DCUN1D1: variants seen among roughly 807,000 people sequenced by gnomAD.
DCUN1D1 encodes DCN1-like protein 1.
A neutral mutation model predicts 39.0 loss-of-function variants in DCUN1D1; 3 were observed. That is an observed-to-expected ratio of 0.08 (90% CI 0.04 to 0.20). DCUN1D1 has a LOEUF of 0.20. Among genes scored for constraint, DCUN1D1 ranks in the 10% least tolerant of loss-of-function variants. The probability of loss-of-function intolerance (pLI) is 1.00; values close to 1 mark genes in which losing one functional copy is unlikely to be tolerated. For synonymous variants in DCUN1D1, 82 were observed against 96.3 expected (o/e 0.85, Z 0.87); for missense variants, 158 against 302.4 (o/e 0.52, Z 3.54).
intron 4 of DCUN1D1, chr3:182,955,349 T>G: frequency 1.8e-6 from 1 of 543,032 alleles, no homozygotes; most frequent in South Asian, 1.4e-5. Flanking sequence ...TTAGATTATT[T>G]TCAATATTCT....
In DCUN1D1 at chr3:182,943,114, G is replaced by GAAAAAAAAA. The variant is rs57297234; in HGVS notation, c.*1971_*1979dup. ...ACTTTTAAAGAAAACACTTTATATT[G>GAAAAAAAAA]AAAAAAAAAAAAAAAAAAAAAAGCT... On this transcript the variant is annotated 3_prime_UTR_variant, in exon 7 of 7. Coordinates refer to ENST00000292782, the MANE Select transcript of DCUN1D1 (RefSeq NM_020640.4). The GAAAAAAAAA allele has an allele frequency of 1.8e-5, 1 of 54,388 alleles. No individual in the cohort carries two copies. Among genetic ancestry groups the GAAAAAAAAA allele is most frequent in the African/African-American group, 6.8e-5 (1 of 14,688 alleles). 3.4% of individuals were successfully genotyped at this position (54,388 alleles called of 1,614,324 possible).
chr3:182,975,951 C>A (rs888752003), intron 1 of DCUN1D1, among the ~76,000 whole-genome samples: 2 of 150,976 alleles, frequency 1.3e-5, no homozygotes, highest in Non-Finnish European at 2.9e-5. Flanking sequence ...GTAGAGTGTA[C>A]CTTCTCGATA....
At chr3:182,952,815 A>G (rs1241003667) in intron 4 of DCUN1D1, among the ~76,000 whole-genome samples, 1 of 152,202 alleles carries the variant, frequency 6.6e-6, no homozygotes, top group Non-Finnish European at 1.5e-5. Context: ...CCCACTGGGA[A>G]GGCTTATGTT....
At position 182,938,668 on chromosome 3, in the gene DCUN1D1, A is replaced by T. The variant is rs1477726630; in HGVS notation, c.*6426T>A. ...GACATACGCCATTAATTTTTTAAAA[A>T]GCACTCACTCCGATGTCTCCTATGT... On this transcript the variant is annotated 3_prime_UTR_variant, in exon 7 of 7. Transcript: ENST00000292782. 6.6e-6 allele frequency: 1 copy of T among 152,196 alleles called. No homozygotes were observed. The highest frequency in any genetic ancestry group is 1.5e-5 in the Non-Finnish European group (1 of 68,032). 9.4% of individuals were successfully genotyped at this position (152,196 alleles called of 1,614,324 possible).
At chr3:182,975,533 T>C (rs1728187259) in intron 1 of DCUN1D1, among the ~76,000 whole-genome samples, 1 of 151,996 alleles carries the variant, frequency 6.6e-6, no homozygotes, top group East Asian at 1.9e-4. Flanking sequence ...CACCAAAAGT[T>C]ATAATTTTTC....
intron 6 of DCUN1D1, among the ~76,000 whole-genome samples, chr3:182,946,275 A>T (rs1726394673): frequency 6.6e-6 from 1 of 152,176 alleles, no homozygotes; most frequent in Non-Finnish European, 1.5e-5. Context: ...AAAAAAAAAT[A>T]GGCTGGGCGC....
intron 4 of DCUN1D1, among the ~76,000 whole-genome samples, chr3:182,952,326 A>G (rs1726795321): frequency 6.6e-6 from 1 of 152,146 alleles, no homozygotes; most frequent in African/African-American, 2.4e-5. Context: ...GGTGTTTTGT[A>G]ACAACGTGTG....
At chr3:182,964,305 T>C (rs990732342) in intron 2 of DCUN1D1, among the ~76,000 whole-genome samples, 3 of 152,334 alleles carry the variant, frequency 2.0e-5, no homozygotes, top group Middle Eastern at 3.4e-3. Flanking sequence ...ATATGTCCCA[T>C]ACTTATACAC....
chr3:182,953,017 G>T lies in DCUN1D1; in HGVS notation c.521-5385C>A, dbSNP rs114655444. Among the ~76,000 whole-genome samples the T allele has an allele frequency of 2.6e-3, 394 of 152,262 alleles. 1 individual carries two copies. The highest frequency in any genetic ancestry group is 9.0e-3 in the African/African-American group (375 of 41,542). On this transcript the variant is annotated intron_variant, in intron 4 of 6. Coordinates refer to ENST00000292782, the MANE Select transcript of DCUN1D1 (RefSeq NM_020640.4). ...CCTTTAGATAAAATTTGCACTTCTTGTCAAATGAACTCACTTGCAGTTCCT... is the reference window on the plus strand; with the variant it reads ...CCTTTAGATAAAATTTGCACTTCTTTTCAAATGAACTCACTTGCAGTTCCT...
At chr3:182,948,980 G>A (rs558904520) in intron 4 of DCUN1D1, among the ~76,000 whole-genome samples, 3 of 151,640 alleles carry the variant, frequency 2.0e-5, no homozygotes, top group African/African-American at 2.4e-5. Context: ...ACCGGAAGGC[G>A]GAGGTTGCAC....
At chr3:182,947,784 C>A (rs1217771456) in intron 4 of DCUN1D1, 152 bp from the exon 5 acceptor site, 1 of 553,114 alleles carries the variant, frequency 1.8e-6, no homozygotes, top group Non-Finnish European at 3.2e-6. Context: ...ATTTCCTATA[C>A]AAATGAGTCC....
chr3:182,974,707 C>T (rs1284103388), intron 1 of DCUN1D1, among the ~76,000 whole-genome samples: 2 of 151,478 alleles, frequency 1.3e-5, no homozygotes, highest in Admixed American at 1.3e-4. Flanking sequence ...AGGGAATGGG[C>T]TGTGTACTTC....
At chr3:182,958,355 G>C (rs1727204425) in intron 4 of DCUN1D1, among the ~76,000 whole-genome samples, 1 of 151,704 alleles carries the variant, frequency 6.6e-6, no homozygotes, top group Non-Finnish European at 1.5e-5. Context: ...CTCTTCCCTA[G>C]TCAGTTCCTA....
At chr3:182,983,155 C>T (rs924269979), upstream of DCUN1D1, among the ~76,000 whole-genome samples, 6 of 152,184 alleles carry the variant, frequency 3.9e-5, no homozygotes, top group African/African-American at 9.7e-5. Context: ...TTCCACCACC[C>T]TCCACCCAAA....
chr3:182,956,901 T>TG (rs1368172592), intron 4 of DCUN1D1, among the ~76,000 whole-genome samples: 13 of 152,222 alleles, frequency 8.5e-5, no homozygotes, highest in Admixed American at 8.5e-4. Flanking sequence ...TGAAATATGA[T>TG]GTTCAACTTT....
At chr3:182,979,816 C>G (rs955647609) in intron 1 of DCUN1D1, among the ~76,000 whole-genome samples, 7 of 152,090 alleles carry the variant, frequency 4.6e-5, no homozygotes, top group Admixed American at 2.0e-4. Flanking sequence ...AGCAGTCTCC[C>G]ATGTTTTCAG....
At chr3:182,974,467 G>A (rs1413159841) in intron 1 of DCUN1D1, among the ~76,000 whole-genome samples, 1 of 96,626 alleles carries the variant, frequency 1.0e-5, no homozygotes, top group African/African-American at 2.7e-5. Flanking sequence ...AAAGATTACT[G>A]AGGCCAAAAA....
At chr3:182,956,574 G>A (rs1415139989) in intron 4 of DCUN1D1, among the ~76,000 whole-genome samples, 1 of 152,176 alleles carries the variant, frequency 6.6e-6, no homozygotes, top group African/African-American at 2.4e-5. Context: ...GCTCAAAGGG[G>A]TTGTTATGAG....
chr3:182,976,582 T>A (rs1311104445), intron 1 of DCUN1D1, among the ~76,000 whole-genome samples: 1 of 152,106 alleles, frequency 6.6e-6, no homozygotes, highest in African/African-American at 2.4e-5. Flanking sequence ...AATTATCTCA[T>A]TGGTGATACA....
Sources: allele counts gnomAD v4.1 joint callset (sites outside exome capture counted in the v4.1 genomes callset), GRCh38; gene constraint gnomAD v4.1.1; transcripts MANE v1.5; gene names NCBI Gene and HGNC (gene_info 2026-07-23, HGNC 2026-07-21).